DTNB: variants seen among roughly 807,000 people sequenced by gnomAD.
DTNB encodes the protein dystrobrevin beta, also known as DTN-B.
In DTNB, 63 loss-of-function variants were observed where a neutral mutation model predicts 90.7. The observed-to-expected ratio is 0.69, with a 90% CI of 0.57 to 0.86. The LOEUF is 0.86. Ranked by LOEUF, DTNB falls within the 40% of genes least tolerant of loss-of-function variation. The probability of loss-of-function intolerance (pLI) is 0.00; values close to 1 mark genes in which losing one functional copy is unlikely to be tolerated. For synonymous variants in DTNB, 277 were observed against 286.7 expected, an observed-to-expected ratio of 0.97 and a Z score of 0.34; for missense variants, 744 against 807.1, an observed-to-expected ratio of 0.92 and a Z score of 0.95.
At chr2:25,583,520 G>A (rs1428702906) in intron 6 of DTNB, among the ~76,000 whole-genome samples, 3 of 146,982 alleles carry the variant, frequency 2.0e-5, no homozygotes, top group Admixed American at 6.8e-5. Flanking sequence ...TTTTTTTTTT[G>A]TTGTTGTTGT....
At chr2:25,499,503 A>G (rs1295451802) in intron 9 of DTNB, among the ~76,000 whole-genome samples, 1 of 152,210 alleles carries the variant, frequency 6.6e-6, no homozygotes, top group East Asian at 1.9e-4. Context: ...TCTTGTTCCA[A>G]TAAGGGTAGC....
chr2:25,607,082 GC>G (rs1191049432), intron 5 of DTNB, among the ~76,000 whole-genome samples, 153 bp downstream of exon 5: 1 of 152,124 alleles, frequency 6.6e-6, no homozygotes, highest in Non-Finnish European at 1.5e-5. Flanking sequence ...ACAGTAGGTG[GC>G]ATAACTCACC....
At position 25,388,481 on chromosome 2, in the gene DTNB, G is replaced by A. The variant is rs1416623180; in HGVS notation, c.1576-120C>T. 7.7e-5 allele frequency: 102 copies of A among 1,328,524 alleles called. No individual in the cohort carries two copies. In the East Asian group the frequency reaches 2.4e-3, roughly 32 times the overall value. The allele number at this position is 1,328,524 out of a possible 1,614,324, so 82.3% of individuals were successfully genotyped here. A position where few individuals can be genotyped will look rare whatever the true frequency, so the allele number is the denominator to read the frequency against. On this transcript the variant is annotated intron_variant, in intron 16 of 20. Transcript: ENST00000406818. ...AGTGGGCCTCAGTTCAGTGGTACAAGATCATACTTGAAAGGAAGGAGTTAG... is the reference window on the plus strand; with the variant it reads ...AGTGGGCCTCAGTTCAGTGGTACAAAATCATACTTGAAAGGAAGGAGTTAG...
intron 4 of DTNB, among the ~76,000 whole-genome samples, chr2:25,613,560 C>T (rs558403657): frequency 2.6e-5 from 4 of 151,338 alleles, no homozygotes; most frequent in African/African-American, 9.7e-5. Context: ...ATTATTCTGA[C>T]ACTAAAAACA....
chr2:25,593,666 G>A (rs55931769), intron 6 of DTNB, among the ~76,000 whole-genome samples: 8,361 of 152,154 alleles, frequency 0.055, 739 homozygotes, highest in African/African-American at 0.19. Flanking sequence ...AATTATGTAT[G>A]TCATAAGGTT....
chr2:25,532,010 G>T (rs1044794707), intron 8 of DTNB, among the ~76,000 whole-genome samples: 25 of 152,124 alleles, frequency 1.6e-4, no homozygotes, highest in Non-Finnish European at 7.4e-5. Context: ...TCTTTGGAAG[G>T]CCAAGGTAGG....
At chr2:25,526,382 TATA>T (rs2077125785) in intron 9 of DTNB, among the ~76,000 whole-genome samples, 2 of 53,722 alleles carry the variant, frequency 3.7e-5, no homozygotes, top group African/African-American at 2.2e-4. Context: ...TATATATATA[TATA>T]TATATATATA....
chr2:25,588,566 T>C (rs1235555595), intron 6 of DTNB, among the ~76,000 whole-genome samples: 2 of 152,182 alleles, frequency 1.3e-5, no homozygotes, highest in Non-Finnish European at 2.9e-5. Flanking sequence ...GGTTTCACCA[T>C]GTTGGCCAGG....
At position 25,379,318 on chromosome 2, in the gene DTNB, G is replaced by T; in HGVS notation, c.*1C>A. On this transcript the variant is annotated 3_prime_UTR_variant, in exon 20 of 21. Transcript: ENST00000406818. ...AGCTTCCTCTGTGTCCGGCTCCTCT[G>T]CTAACCTGTGGCAGCATGGGCAGAA... 7.6e-7 allele frequency: 1 copy of T among 1,319,136 alleles called. No individual in the cohort carries two copies. Among genetic ancestry groups the T allele is most frequent in the South Asian group, 2.9e-5 (1 of 34,204 alleles). The allele number at this position is 1,319,136 out of a possible 1,614,324, so 81.7% of individuals were successfully genotyped here.
At chr2:25,605,024 C>G (rs1215840388) in intron 5 of DTNB, among the ~76,000 whole-genome samples, 1 of 152,206 alleles carries the variant, frequency 6.6e-6, no homozygotes, top group Non-Finnish European at 1.5e-5. Context: ...CAGCCAAGTT[C>G]TGTTTAAAAT....
intron 16 of DTNB, 176 bp from the exon 17 acceptor site, chr2:25,388,537 A>C: frequency 1.2e-6 from 1 of 821,632 alleles, no homozygotes; most frequent in Non-Finnish European, 1.8e-6. Flanking sequence ...GAGGAAGAAA[A>C]GGAAAAAAGG....
chr2:25,596,050 C>A (rs770804435), intron 6 of DTNB, 36 bp downstream of exon 6: 5 of 1,518,650 alleles, frequency 3.3e-6, no homozygotes, highest in Middle Eastern at 1.7e-4. Flanking sequence ...GGGAAGAGCG[C>A]TCTTCTAGCC....
At chr2:25,650,177 C>T in intron 2 of DTNB, 1 of 985,450 alleles carries the variant, frequency 1.0e-6, no homozygotes, top group Non-Finnish European at 1.2e-6. Flanking sequence ...ATGCGTATTA[C>T]TTAAGGCACC....
intron 19 of DTNB, among the ~76,000 whole-genome samples, chr2:25,383,485 C>G (rs1000217042): frequency 1.3e-5 from 2 of 152,180 alleles, no homozygotes; most frequent in Non-Finnish European, 2.9e-5. Context: ...TCCCAAAGTG[C>G]TGGGATTACA....
rs1327243232 is a variant in DTNB at position 25,580,817 on chromosome 2, T to G, written c.613A>C (p.Met205Leu). The change falls in exon 7 of 21, where the codon ATG becomes CTG. Residue 205 changes from methionine to leucine, a missense_variant. Physicochemically the swap from Met to Leu is conservative, Grantham distance 15. Transcript: ENST00000406818. Reference sequence around the variant, plus strand: ...ATTGTGTCTAAAAACATATTTAGCATTATCTTTCTCTGTAAAGAGAAGAAA... The same window carrying G: ...ATTGTGTCTAAAAACATATTTAGCAGTATCTTTCTCTGTAAAGAGAAGAAA... ...RTCFPQQRKI[M>L]LNMFLDTMMA... 6.2e-7 allele frequency: 1 copy of G among 1,612,362 alleles called. No individual in the cohort carries two copies.
At chr2:25,535,263 A>G (rs670576) in intron 8 of DTNB, among the ~76,000 whole-genome samples, 42,016 of 129,774 alleles carry the variant, frequency 0.32, 7,200 homozygotes, top group East Asian at 0.55. Context: ...TCCTAGACGG[A>G]GTGGCAGCCA....
At chr2:25,494,044 T>C (rs1349242142) in intron 9 of DTNB, among the ~76,000 whole-genome samples, 1 of 152,232 alleles carries the variant, frequency 6.6e-6, no homozygotes, top group African/African-American at 2.4e-5. Context: ...GCTGTGTATT[T>C]TGCATACATT....
chr2:25,670,059 G>A (rs1469464072), intron 1 of DTNB, among the ~76,000 whole-genome samples: 6 of 152,088 alleles, frequency 3.9e-5, no homozygotes, highest in Admixed American at 2.6e-4. Flanking sequence ...CTGCAGCAAC[G>A]GTCCTTAATG....
intron 10 of DTNB, 145 bp from the exon 11 acceptor site, chr2:25,455,639 G>A (rs905947483): frequency 1.1e-5 from 7 of 663,478 alleles, no homozygotes; most frequent in South Asian, 6.0e-5. Flanking sequence ...AACCCACAAT[G>A]CATAATGGAA....
Sources: gnomAD v4.1 joint callset for allele counts (sites outside exome capture counted in the v4.1 genomes callset) on GRCh38, gnomAD v4.1.1 for gene constraint, MANE v1.5 for transcripts, NCBI Gene and HGNC (gene_info 2026-07-23, HGNC 2026-07-21) for gene names.